The following LMAN1L variants were observed in gnomAD, a reference collection of about 807,000 sequenced individuals.
LMAN1L encodes lectin, mannose binding 1 like.
A neutral mutation model predicts 58.3 loss-of-function variants in LMAN1L; 60 were observed. The ratio of observed to expected loss-of-function variants is 1.03; its 90% confidence interval spans 0.84 to 1.27. The LOEUF (loss-of-function observed/expected upper bound fraction) is 1.27. Ranked by LOEUF, LMAN1L falls within the 50% of genes most tolerant of loss-of-function variation. LMAN1L has a pLI of 0.00. For missense variants in LMAN1L, 629 were observed against 674.0 expected (o/e 0.93, Z 0.74); for synonymous variants, 280 against 271.6 (o/e 1.03, Z -0.31).
rs570772101 is a variant in LMAN1L at position 74,813,999 on chromosome 15, G to A, written c.175+970G>A. Among the ~76,000 whole-genome samples the A allele has an allele frequency of 1.8e-4, 28 of 151,804 alleles. No individual in the cohort carries two copies. In the East Asian group the frequency reaches 3.4e-3, roughly 18 times the overall value. ...AAATTAGCTGGGTGTGGTGGCGTGCGCCTGTAGTCCCAGCTCCTCAGGAGG... is the reference window on the plus strand; with the variant it reads ...AAATTAGCTGGGTGTGGTGGCGTGCACCTGTAGTCCCAGCTCCTCAGGAGG... On this transcript the variant is annotated intron_variant, in intron 1 of 13. Transcript: ENST00000309664.
At chr15:74,823,708 G>A (rs1235436041) in intron 12 of LMAN1L, 26 bp downstream of exon 12, 2 of 1,608,986 alleles carry the variant, frequency 1.2e-6, no homozygotes, top group South Asian at 1.1e-5. Flanking sequence ...TGGGCAGCAT[G>A]GGGTCCCCAA....
chr15:74,820,855 G>A (rs1394567456), intron 8 of LMAN1L, 88 bp downstream of exon 8: 6 of 1,518,826 alleles, frequency 4.0e-6, no homozygotes, highest in Non-Finnish European at 5.3e-6. Context: ...TAATCAGTAG[G>A]GAAACTGAGG....
intron 7 of LMAN1L, 110 bp from the exon 8 acceptor site, chr15:74,820,525 C>T (rs1269418469): frequency 1.4e-6 from 2 of 1,421,534 alleles, no homozygotes; most frequent in African/African-American, 2.8e-5. Context: ...ACTGCAGGGC[C>T]AGCTGGCCAG....
chr15:74,822,538 G>A (rs2063921749), intron 10 of LMAN1L, 104 bp from the exon 11 acceptor site: 3 of 856,756 alleles, frequency 3.5e-6, no homozygotes, highest in African/African-American at 1.7e-5. Context: ...TGGTAATCTG[G>A]GAAGGCCTCT....
Position 74,822,689 on chromosome 15 carries a change from C to T in LMAN1L, c.1179C>T (p.Leu393=), listed in dbSNP as rs921045011. ...TGCTCCATGGACAGTGGACTCTGCT[C>T]CAGGCCCTGCAAGAGATGAGGTAAG... ...GALLHGQWTL[L]QALQEMRDAA... Residue 393 remains leucine, a synonymous_variant, in exon 11 of 14, where the codon CTC becomes CTT. Transcript: ENST00000309664. The T allele has an allele frequency of 3.7e-6, 6 of 1,613,862 alleles. No individual in the cohort carries two copies. In the African/African-American group the frequency reaches 5.3e-5, roughly 14 times the overall value.
chr15:74,824,233 A>G (rs1391347966), intron 12 of LMAN1L, 118 bp from the exon 13 acceptor site: 2 of 953,710 alleles, frequency 2.1e-6, no homozygotes, highest in African/African-American at 3.3e-5. Flanking sequence ...CCTGGATGAG[A>G]GCCAGGACGC....
rs2063872163 is a variant in LMAN1L at position 74,812,934 on chromosome 15, GTCC to G, written c.86_88del (p.Pro29del). The G allele has an allele frequency of 1.2e-6, 2 of 1,613,962 alleles. No individual in the cohort carries two copies. The highest frequency in any genetic ancestry group is 2.7e-5 in the African/African-American group (2 of 74,910). ...GACCCCCACAGCCCTGAGACGGGGT[GTCC>G]TCCTCTACGCAGGTTTGAGTACAAG... On this transcript the variant is annotated inframe_deletion, in exon 1 of 14. Transcript: ENST00000309664.
intron 13 of LMAN1L, 99 bp downstream of exon 13, chr15:74,824,577 G>C (rs2063932555): frequency 5.8e-6 from 8 of 1,387,678 alleles, no homozygotes; most frequent in Non-Finnish European, 8.0e-6. Context: ...CAGCTCAGAG[G>C]GGACCTGCCG....
intron 1 of LMAN1L, chr15:74,813,318 C>T (rs2063874208): frequency 1.8e-6 from 1 of 552,186 alleles, no homozygotes; most frequent in East Asian, 4.3e-5. Flanking sequence ...TCCTCTACCT[C>T]TGACCTGTGA....
At chr15:74,817,564 C>T (rs562651133) in intron 4 of LMAN1L, among the ~76,000 whole-genome samples, 260 of 152,304 alleles carry the variant, frequency 1.7e-3, no homozygotes, top group African/African-American at 5.9e-3. Context: ...CAGAGCCTGC[C>T]GAGCCGACCT....
chr15:74,813,162 G>A, intron 1 of LMAN1L, 133 bp downstream of exon 1: 1 of 970,122 alleles, frequency 1.0e-6, no homozygotes, highest in Non-Finnish European at 1.5e-6. Flanking sequence ...ACAGTGCCAG[G>A]CACCCCAGGA....
chr15:74,824,094 T>C (rs896836862), intron 12 of LMAN1L: 2 of 531,754 alleles, frequency 3.8e-6, no homozygotes, highest in South Asian at 2.6e-5. Context: ...TACTTCTCTC[T>C]TCTCTTCTCT....
At chr15:74,820,501 T>G (rs1044345694) in intron 7 of LMAN1L, 134 bp from the exon 8 acceptor site, 16 of 1,173,732 alleles carry the variant, frequency 1.4e-5, no homozygotes, top group Admixed American at 8.7e-5. Flanking sequence ...AAGGCAGAAC[T>G]CAGAGGGCTG....
At chr15:74,822,732 C>T in intron 11 of LMAN1L, 23 bp downstream of exon 11, 4 of 1,579,220 alleles carry the variant, frequency 2.5e-6, no homozygotes, top group Non-Finnish European at 3.5e-6. Flanking sequence ...GTGGGGACCC[C>T]TCCACCACCT....
At position 74,824,313 on chromosome 15, in the gene LMAN1L, A is replaced by G. The variant is rs200693886; in HGVS notation, c.1324-38A>G. Reference sequence around the variant, plus strand: ...TCCAGGTCCCCCACTCCTTCTGGGTAAGAAGCTAAGCTAGGACCTTAGACT... The same window carrying G: ...TCCAGGTCCCCCACTCCTTCTGGGTGAGAAGCTAAGCTAGGACCTTAGACT... On this transcript the variant is annotated intron_variant, in intron 12 of 13. Coordinates refer to ENST00000309664, the MANE Select transcript of LMAN1L (RefSeq NM_021819.3). The G allele has an allele frequency of 3.6e-5, 58 of 1,600,068 alleles. No individual in the cohort carries two copies. The African/African-American group carries it at 6.6e-4, about 18-fold the overall frequency.
intron 4 of LMAN1L, among the ~76,000 whole-genome samples, chr15:74,817,308 T>G (rs186141324): frequency 3.3e-5 from 5 of 152,146 alleles, no homozygotes; most frequent in Non-Finnish European, 7.4e-5. Context: ...CATAACATTG[T>G]TATGAGGTCG....
rs536889779 is a variant in LMAN1L, at chr15:74,815,147, A to G, written c.176-1010A>G. Among the ~76,000 whole-genome samples, 110 of 152,356 alleles carry G rather than the reference A, an allele frequency of 7.2e-4. No homozygotes were observed. In the Middle Eastern group the frequency reaches 0.014, roughly 19 times the overall value. On this transcript the variant is annotated intron_variant, in intron 1 of 13. Coordinates refer to ENST00000309664, the MANE Select transcript of LMAN1L (RefSeq NM_021819.3). Reference sequence around the variant, plus strand: ...GCTGAAGGAGCCCATGGTCTGGGGCAAGGTCTCACCCACAGGCCTTGTAAG... The same window carrying G: ...GCTGAAGGAGCCCATGGTCTGGGGCGAGGTCTCACCCACAGGCCTTGTAAG...
intron 1 of LMAN1L, among the ~76,000 whole-genome samples, chr15:74,815,343 G>C (rs2063885756): frequency 6.6e-6 from 1 of 152,212 alleles, no homozygotes; most frequent in South Asian, 2.1e-4. Flanking sequence ...CCTGGGCCAG[G>C]TTCCAGGCTG....
Position 74,816,471 on chromosome 15 carries a change from TG to T in LMAN1L, c.381del (p.Leu128TrpfsTer75). On this transcript the variant is annotated frameshift_variant, in exon 3 of 14. Transcript: ENST00000309664. LOFTEE classifies it high-confidence loss of function. ...RGRGHVGSVL[G>X]GLASWDGIGI... The stretch of plus-strand genomic sequence containing the variant: ...GCAGGGGCCATGTAGGCTCTGTCCT[TG>T]GGGGGCTGGCTTCGTGGGACGGCAT... 1 of 1,552,536 alleles carries T rather than the reference TG, an allele frequency of 6.4e-7. No individual in the cohort carries two copies. The highest frequency in any genetic ancestry group is 8.7e-7 in the Non-Finnish European group (1 of 1,145,684).
Sources: gnomAD v4.1 joint callset for allele counts (sites outside exome capture counted in the v4.1 genomes callset) on GRCh38, gnomAD v4.1.1 for gene constraint, MANE v1.5 for transcripts, NCBI Gene and HGNC (gene_info 2026-07-23, HGNC 2026-07-21) for gene names.